ATP11A: variants seen among roughly 807,000 people sequenced by gnomAD.
ATP11A encodes the protein phospholipid-transporting ATPase IH.
In ATP11A, 81 loss-of-function variants were observed where a neutral mutation model predicts 154.4. That is an observed-to-expected ratio of 0.52 (90% confidence interval 0.44 to 0.63). The LOEUF (loss-of-function observed/expected upper bound fraction) is 0.63. Among genes scored for constraint, ATP11A ranks in the 30% least tolerant of loss-of-function variants. The pLI, the probability that ATP11A is intolerant of heterozygous loss-of-function variation, is 0.00. For missense variants in ATP11A, 1,316 were observed against 1,474.3 expected, an observed-to-expected ratio of 0.89 and a Z score of 1.76; for synonymous variants, 623 against 585.9, an observed-to-expected ratio of 1.06 and a Z score of -0.91.
chr13:112,802,584 G>C (rs2078169450), intron 2 of ATP11A, among the ~76,000 whole-genome samples: 1 of 143,154 alleles, frequency 7.0e-6, no homozygotes, highest in Admixed American at 6.9e-5. Flanking sequence ...CCCAGCAACA[G>C]TGACTCTAGA....
At chr13:112,808,416 C>T (rs912748224) in intron 4 of ATP11A, among the ~76,000 whole-genome samples, 1 of 152,142 alleles carries the variant, frequency 6.6e-6, no homozygotes, top group Non-Finnish European at 1.5e-5. Context: ...AGCTTTCACT[C>T]TGGGGATGGC....
intron 4 of ATP11A, among the ~76,000 whole-genome samples, chr13:112,806,534 C>T (rs1272419091): frequency 3.3e-5 from 5 of 152,198 alleles, no homozygotes; most frequent in African/African-American, 1.2e-4. Flanking sequence ...TTTCACATCC[C>T]AAATCACCCA....
At chr13:112,740,502 T>C (rs962051200) in intron 1 of ATP11A, among the ~76,000 whole-genome samples, 9 of 152,182 alleles carry the variant, frequency 5.9e-5, no homozygotes. Flanking sequence ...GTCTGGCCTT[T>C]GGCAGAAATA....
At chr13:112,748,082 A>G (rs1247251892) in intron 1 of ATP11A, among the ~76,000 whole-genome samples, 2 of 152,250 alleles carry the variant, frequency 1.3e-5, no homozygotes, top group East Asian at 3.9e-4. Flanking sequence ...AATTACCATC[A>G]GGCTGTGTGT....
intron 1 of ATP11A, among the ~76,000 whole-genome samples, chr13:112,713,002 T>C (rs752863195): frequency 2.4e-4 from 37 of 152,248 alleles, no homozygotes; most frequent in Non-Finnish European, 4.3e-4. Context: ...ATCTGGTTAA[T>C]GTGAGCAGAG....
At chr13:112,834,782 C>A in intron 15 of ATP11A, 122 bp downstream of exon 15, 1 of 740,978 alleles carries the variant, frequency 1.3e-6, no homozygotes, top group Non-Finnish European at 2.3e-6. Context: ...GCTTCCTCTC[C>A]TTCCCAGTGA....
chr13:112,805,916 G>A (rs949011577), intron 3 of ATP11A, among the ~76,000 whole-genome samples: 3 of 151,780 alleles, frequency 2.0e-5, no homozygotes, highest in African/African-American at 7.3e-5. Context: ...TAATTAAAAT[G>A]TGACACTGAG....
rs572399273 is a variant in ATP11A, at chr13:112,744,595, G to A, written c.40-40540G>A. ...CCCTCTGCTCACCACCTGCCCTCAC[G>A]GGTGAGCCGCTGCACTTCTCGGGCT... On this transcript the variant is annotated intron_variant, in intron 1 of 29. Coordinates refer to ENST00000375645, the MANE Select transcript of ATP11A (RefSeq NM_015205.3). Among the ~76,000 whole-genome samples, 33 of 152,312 alleles carry A rather than the reference G, an allele frequency of 2.2e-4. No individual in the cohort carries two copies. The East Asian group carries it at 5.8e-3, about 27-fold the overall frequency.
chr13:112,729,142 A>T (rs1890214305), intron 1 of ATP11A, among the ~76,000 whole-genome samples: 1 of 152,182 alleles, frequency 6.6e-6, no homozygotes, highest in Non-Finnish European at 1.5e-5. Flanking sequence ...AAAATTTAGA[A>T]TTGGAAGACA....
At chr13:112,739,367 T>C (rs989582048) in intron 1 of ATP11A, among the ~76,000 whole-genome samples, 1 of 152,230 alleles carries the variant, frequency 6.6e-6, no homozygotes, top group African/African-American at 2.4e-5. Context: ...AATGAAAAGA[T>C]GGTCAACATT....
In ATP11A at chr13:112,690,871, G is replaced by T. The variant is rs560647537; in HGVS notation, c.39+416G>T. Among the ~76,000 whole-genome samples, 2 of 152,236 alleles carry T rather than the reference G, an allele frequency of 1.3e-5. No homozygotes were observed. The highest frequency in any genetic ancestry group is 4.8e-5 in the African/African-American group (2 of 41,478). The stretch of plus-strand genomic sequence containing the variant: ...AACCTTCAGATGCGGCTTCCGCGCA[G>T]CCGTGTCTGTAAGATTAAGGGATTG... On this transcript the variant is annotated intron_variant, in intron 1 of 29. Coordinates refer to ENST00000375645, the MANE Select transcript of ATP11A (RefSeq NM_015205.3). The surrounding 1 kb of genome is among the most constrained non-coding windows in gnomAD (Gnocchi z 5.6).
intron 1 of ATP11A, among the ~76,000 whole-genome samples, chr13:112,750,488 T>C (rs2076664459): frequency 1.2e-5 from 1 of 81,642 alleles, no homozygotes; most frequent in Non-Finnish European, 2.3e-5. Flanking sequence ...AATTTCTGTC[T>C]TAGGGAAGGA....
chr13:112,836,855 C>G (rs552323493), intron 16 of ATP11A, among the ~76,000 whole-genome samples: 3 of 152,326 alleles, frequency 2.0e-5, no homozygotes, highest in Non-Finnish European at 2.9e-5. Context: ...CCTGATCCTC[C>G]CACTCTGACC....
intron 1 of ATP11A, among the ~76,000 whole-genome samples, chr13:112,732,332 A>G (rs1890567853): frequency 6.6e-6 from 1 of 152,174 alleles, no homozygotes; most frequent in Non-Finnish European, 1.5e-5. Flanking sequence ...ACTAAAAGAA[A>G]TAATGTGTTG....
intron 1 of ATP11A, among the ~76,000 whole-genome samples, chr13:112,710,777 T>A (rs1234634348): frequency 1.3e-5 from 2 of 150,588 alleles, no homozygotes; most frequent in Admixed American, 6.5e-5. Context: ...GAAAATCATT[T>A]TAAAAATCAT....
chr13:112,808,636 C>T (rs987489124), intron 4 of ATP11A, among the ~76,000 whole-genome samples: 32 of 152,152 alleles, frequency 2.1e-4, no homozygotes, highest in Non-Finnish European at 8.8e-5. Flanking sequence ...TCCTCGCTTG[C>T]CTTGGAAAGC....
chr13:112,827,246 C>G (rs764937049), intron 12 of ATP11A, among the ~76,000 whole-genome samples: 4 of 152,210 alleles, frequency 2.6e-5, no homozygotes, highest in Non-Finnish European at 5.9e-5. Context: ...GGTATTTTCA[C>G]TTTAAAGATG....
At chr13:112,704,935 G>T (rs1039007389) in intron 1 of ATP11A, among the ~76,000 whole-genome samples, 40 of 152,272 alleles carry the variant, frequency 2.6e-4, no homozygotes, top group Middle Eastern at 3.4e-3. Context: ...CGGGACCCCT[G>T]GTGTGGGGGA....
chr13:112,705,944 C>T (rs184692404), intron 1 of ATP11A, among the ~76,000 whole-genome samples: 5 of 152,266 alleles, frequency 3.3e-5, no homozygotes, highest in South Asian at 2.1e-4. Flanking sequence ...AGTTCCATGG[C>T]GTTAAATACA....
Sources: allele counts gnomAD v4.1 joint callset (sites outside exome capture counted in the v4.1 genomes callset), GRCh38; gene constraint gnomAD v4.1.1; non-coding constraint Gnocchi (gnomAD v3.1); transcripts MANE v1.5; gene names NCBI Gene and HGNC (gene_info 2026-07-23, HGNC 2026-07-21).